Variants in LRRC4C observed in about 807,000 individuals in gnomAD.
LRRC4C encodes the protein leucine-rich repeat-containing protein 4C.
In LRRC4C, 5 loss-of-function variants were observed where a neutral mutation model predicts 33.6. That is an observed-to-expected ratio of 0.15 (90% CI 0.08 to 0.31). The LOEUF (loss-of-function observed/expected upper bound fraction) is 0.31, where lower values mean the gene tolerates loss of function less well. LRRC4C is among the 10% of genes least tolerant of loss of function. The pLI is 1.00. For missense variants in LRRC4C, 560 were observed against 796.7 expected, an observed-to-expected ratio of 0.70 and a Z score of 3.58; for synonymous variants, 329 against 302.0, an observed-to-expected ratio of 1.09 and a Z score of -0.93.
chr11:40,778,702 T>G (rs1950105073), intron 2 of LRRC4C, among the ~76,000 whole-genome samples: 1 of 152,082 alleles, frequency 6.6e-6, no homozygotes, highest in Non-Finnish European at 1.5e-5. Context: ...GCATTTGAAA[T>G]GAGATCAGAG....
intron 2 of LRRC4C, among the ~76,000 whole-genome samples, chr11:40,912,288 GC>G (rs1565195609): frequency 6.6e-6 from 1 of 152,114 alleles, no homozygotes; most frequent in African/African-American, 2.4e-5. Context: ...GTTAAGGGCA[GC>G]CAGAGAGAAA....
chr11:40,688,057 G>A (rs1328359425), intron 2 of LRRC4C, among the ~76,000 whole-genome samples: 1 of 151,824 alleles, frequency 6.6e-6, no homozygotes, highest in Non-Finnish European at 1.5e-5. Context: ...TGAATGGAAT[G>A]GGAGCTTACA....
intron 1 of LRRC4C, among the ~76,000 whole-genome samples, chr11:41,394,295 C>T (rs150711742): frequency 6.2e-4 from 95 of 152,054 alleles, no homozygotes; most frequent in African/African-American, 2.3e-3. Context: ...ATGGACTCTT[C>T]CAGCTTCTCT....
chr11:40,614,471 G>C (rs1961556552), intron 3 of LRRC4C, among the ~76,000 whole-genome samples: 1 of 89,642 alleles, frequency 1.1e-5, no homozygotes, highest in African/African-American at 3.3e-5. Flanking sequence ...CTCCTGTCCA[G>C]GCCACTAGAA....
chr11:40,744,117 G>T (rs757394416), intron 2 of LRRC4C, among the ~76,000 whole-genome samples: 2 of 152,050 alleles, frequency 1.3e-5, no homozygotes, highest in African/African-American at 2.4e-5. Flanking sequence ...GTACACTAGG[G>T]ATATGGAAGG....
chr11:40,965,180 G>A (rs1448831932), intron 1 of LRRC4C, among the ~76,000 whole-genome samples: 1 of 152,156 alleles, frequency 6.6e-6, no homozygotes, highest in Non-Finnish European at 1.5e-5. Flanking sequence ...TTTGAGAAGT[G>A]TCTGTTCATA....
intron 1 of LRRC4C, among the ~76,000 whole-genome samples, chr11:41,003,777 C>T (rs773393463): frequency 2.0e-5 from 3 of 151,806 alleles, no homozygotes; most frequent in Non-Finnish European, 4.4e-5. Context: ...CTTGGCAATC[C>T]AAATACATTT....
At chr11:41,372,633 C>G (rs1319597973) in intron 1 of LRRC4C, among the ~76,000 whole-genome samples, 1 of 151,972 alleles carries the variant, frequency 6.6e-6, no homozygotes. Context: ...ATACTCTCAC[C>G]CATTTCTGAG....
At chr11:40,926,288 T>C (rs2136414417) in intron 2 of LRRC4C, among the ~76,000 whole-genome samples, 1 of 152,240 alleles carries the variant, frequency 6.6e-6, no homozygotes, top group South Asian at 2.1e-4. Flanking sequence ...CATGATGTCC[T>C]CCTCCCTAAT....
chr11:41,392,576 T>C (rs1953646727), intron 1 of LRRC4C, among the ~76,000 whole-genome samples: 1 of 149,594 alleles, frequency 6.7e-6, no homozygotes, highest in African/African-American at 2.5e-5. Flanking sequence ...AAAAAAAACA[T>C]CGTTACCTAG....
chr11:40,891,989 G>A (rs1955730427), intron 2 of LRRC4C, among the ~76,000 whole-genome samples: 1 of 151,886 alleles, frequency 6.6e-6, no homozygotes, highest in Non-Finnish European at 1.5e-5. Context: ...CAAAAAATTA[G>A]CCGGGCGTGG....
intron 1 of LRRC4C, among the ~76,000 whole-genome samples, chr11:41,308,335 GAAC>G (rs1950558760): frequency 6.6e-6 from 1 of 151,988 alleles, no homozygotes; most frequent in African/African-American, 2.4e-5. Context: ...AGCACTAACA[GAAC>G]AACACAGGGC....
intron 2 of LRRC4C, among the ~76,000 whole-genome samples, chr11:40,657,060 C>A (rs752005925): frequency 4.7e-4 from 71 of 152,254 alleles, no homozygotes; most frequent in Non-Finnish European, 7.6e-4. Context: ...GTGTAAAAAA[C>A]CATTTTTAAT....
At chr11:40,273,360 T>C (rs1590878434) in intron 4 of LRRC4C, among the ~76,000 whole-genome samples, 1 of 152,126 alleles carries the variant, frequency 6.6e-6, no homozygotes, top group East Asian at 1.9e-4. Context: ...GGTCAGTTTA[T>C]CCTAATGATC....
chr11:40,479,687 A>C (rs892263548), intron 3 of LRRC4C, among the ~76,000 whole-genome samples: 6 of 152,182 alleles, frequency 3.9e-5, no homozygotes, highest in African/African-American at 1.4e-4. Context: ...GGTCATGCTC[A>C]TATGTAACTG....
At chr11:40,549,977 G>C (rs982055554) in intron 3 of LRRC4C, among the ~76,000 whole-genome samples, 6 of 151,982 alleles carry the variant, frequency 3.9e-5, no homozygotes, top group Admixed American at 2.6e-4. Context: ...ATTAAACAGA[G>C]ATGCTATTTT....
At chr11:40,777,222 G>C (rs2137234542) in intron 2 of LRRC4C, among the ~76,000 whole-genome samples, 1 of 152,288 alleles carries the variant, frequency 6.6e-6, no homozygotes, top group East Asian at 1.9e-4. Context: ...GTATTCTGTA[G>C]ATGTCTATTA....
intron 3 of LRRC4C, among the ~76,000 whole-genome samples, chr11:40,516,987 A>G (rs915699842): frequency 6.6e-6 from 1 of 152,166 alleles, no homozygotes; most frequent in African/African-American, 2.4e-5. Context: ...AAGGCTGGTT[A>G]ATCACTGCTT....
intron 5 of LRRC4C, among the ~76,000 whole-genome samples, chr11:40,184,234 A>T (rs533124448): frequency 1.2e-4 from 19 of 152,334 alleles, no homozygotes; most frequent in African/African-American, 4.6e-4. Context: ...GAGTATTCAA[A>T]TTGGCTCATG....
Sources: allele counts gnomAD v4.1 joint callset (sites outside exome capture counted in the v4.1 genomes callset), GRCh38; gene constraint gnomAD v4.1.1; transcripts MANE v1.5; gene names NCBI Gene and HGNC (gene_info 2026-07-23, HGNC 2026-07-21).